The following CTNNA3 variants were observed in gnomAD, a reference collection of about 807,000 sequenced individuals.
CTNNA3 encodes the protein catenin alpha 3.
A neutral mutation model predicts 95.7 loss-of-function variants in CTNNA3; 76 were observed. That is an observed-to-expected ratio of 0.79 (90% CI 0.66 to 0.96). The LOEUF is 0.96. Ranked by LOEUF, CTNNA3 falls within the 40% of genes least tolerant of loss-of-function variation. CTNNA3 has a pLI of 0.00. For missense variants in CTNNA3, 1,191 were observed against 1,089.8 expected (o/e 1.09, Z -1.31); for synonymous variants, 431 against 374.4 (o/e 1.15, Z -1.74).
intron 7 of CTNNA3, among the ~76,000 whole-genome samples, chr10:66,918,996 G>C (rs567292637): frequency 1.4e-3 from 218 of 151,964 alleles, no homozygotes; most frequent in African/African-American, 5.1e-3. Flanking sequence ...TTAGCCGGGC[G>C]TGGTGGCAGG....
intron 1 of CTNNA3, among the ~76,000 whole-genome samples, chr10:67,739,000 C>G (rs1304362582): frequency 6.6e-6 from 1 of 152,094 alleles, no homozygotes; most frequent in African/African-American, 2.4e-5. Flanking sequence ...AGACTGGAAC[C>G]AAGTTGGAAA....
intron 12 of CTNNA3, among the ~76,000 whole-genome samples, chr10:66,340,166 A>G (rs958981210): frequency 6.6e-6 from 1 of 151,832 alleles, no homozygotes. Context: ...AAGAAACTCA[A>G]CTTCCCTTGC....
intron 12 of CTNNA3, among the ~76,000 whole-genome samples, chr10:66,360,687 C>T (rs1206582093): frequency 1.5e-4 from 7 of 46,730 alleles, no homozygotes; most frequent in Admixed American, 6.3e-4. Flanking sequence ...TCCTTCCTTC[C>T]TTCCTTTTCT....
At chr10:66,179,523 G>A (rs7091326) in intron 13 of CTNNA3, among the ~76,000 whole-genome samples, 7,182 of 151,962 alleles carry the variant, frequency 0.047, 212 homozygotes, top group African/African-American at 0.066. Flanking sequence ...TTATTGTTGG[G>A]TCTCTCCATA....
At chr10:66,126,990 C>T (rs1054627016) in intron 13 of CTNNA3, among the ~76,000 whole-genome samples, 11 of 151,828 alleles carry the variant, frequency 7.2e-5, no homozygotes, top group Admixed American at 3.9e-4. Context: ...GGAAAATGGC[C>T]GGGCGCGGTG....
intron 10 of CTNNA3, among the ~76,000 whole-genome samples, chr10:66,578,799 T>TTG (rs773867373): frequency 0.025 from 3,596 of 141,398 alleles, 85 homozygotes; most frequent in East Asian, 0.061. Context: ...TTTTTTTTTG[T>TTG]TTGTTGTTGT....
At chr10:66,140,181 C>T (rs1177426312) in intron 13 of CTNNA3, among the ~76,000 whole-genome samples, 8 of 152,122 alleles carry the variant, frequency 5.3e-5, no homozygotes, top group Non-Finnish European at 4.4e-5. Context: ...AGAGAGAAAA[C>T]CTATTAGTTG....
intron 5 of CTNNA3, among the ~76,000 whole-genome samples, chr10:67,452,114 A>C (rs919146449): frequency 6.8e-6 from 1 of 147,728 alleles, no homozygotes; most frequent in Non-Finnish European, 1.5e-5. Context: ...AGTAGGGAGA[A>C]AAAAAGGGAA....
chr10:66,642,278 A>AC (rs1491352933), intron 9 of CTNNA3, among the ~76,000 whole-genome samples: 11,236 of 48,086 alleles, frequency 0.23, 615 homozygotes, highest in African/African-American at 0.38. Flanking sequence ...ACACACACAC[A>AC]AACACACACA....
intron 7 of CTNNA3, among the ~76,000 whole-genome samples, chr10:67,071,330 G>T (rs1319889196): frequency 3.3e-4 from 47 of 140,390 alleles, no homozygotes; most frequent in Middle Eastern, 3.8e-3. Flanking sequence ...TGTATTTTGG[G>T]TTTTTTTTTT....
chr10:67,250,815 C>T (rs1465461980), intron 5 of CTNNA3, among the ~76,000 whole-genome samples: 1 of 152,156 alleles, frequency 6.6e-6, no homozygotes, highest in African/African-American at 2.4e-5. Flanking sequence ...TAAAAATGCC[C>T]ATAATCAATA....
intron 7 of CTNNA3, among the ~76,000 whole-genome samples, chr10:66,805,163 T>C (rs1432943626): frequency 6.6e-6 from 1 of 152,034 alleles, no homozygotes; most frequent in Non-Finnish European, 1.5e-5. Flanking sequence ...CACTGGGAGA[T>C]GACCTCTGGA....
At chr10:66,236,299 A>G (rs1429261581) in intron 13 of CTNNA3, among the ~76,000 whole-genome samples, 1 of 152,188 alleles carries the variant, frequency 6.6e-6, no homozygotes, top group Middle Eastern at 3.2e-3. Context: ...AGACCAACCA[A>G]TTACAAAAAT....
At chr10:67,348,133 T>C (rs775720071) in intron 5 of CTNNA3, among the ~76,000 whole-genome samples, 6 of 152,180 alleles carry the variant, frequency 3.9e-5, no homozygotes, top group Non-Finnish European at 5.9e-5. Flanking sequence ...CCTTACACCA[T>C]ACATAACATT....
At chr10:66,729,376 C>T (rs1168377118) in intron 9 of CTNNA3, among the ~76,000 whole-genome samples, 4 of 152,162 alleles carry the variant, frequency 2.6e-5, no homozygotes, top group African/African-American at 9.7e-5. Context: ...TCAACAATTG[C>T]GGAAGACAGT....
intron 2 of CTNNA3, among the ~76,000 whole-genome samples, chr10:67,638,227 A>C (rs1271773270): frequency 6.6e-6 from 1 of 152,222 alleles, no homozygotes; most frequent in Admixed American, 6.5e-5. Context: ...GTCTCTGATA[A>C]GACAGACTTT....
chr10:67,180,178 C>G, intron 7 of CTNNA3, 139 bp downstream of exon 7: 1 of 732,798 alleles, frequency 1.4e-6, no homozygotes, highest in Non-Finnish European at 2.3e-6. Context: ...CCAAGCAGAA[C>G]TCACTTAGAA....
chr10:66,735,578 C>T (rs1182361741), intron 9 of CTNNA3, among the ~76,000 whole-genome samples: 1 of 151,806 alleles, frequency 6.6e-6, no homozygotes, highest in African/African-American at 2.4e-5. Context: ...TATATTTACT[C>T]TTACTATTTG....
chr10:67,302,435 C>CA (rs1488820727), intron 5 of CTNNA3, among the ~76,000 whole-genome samples: 1 of 152,102 alleles, frequency 6.6e-6, no homozygotes, highest in African/African-American at 2.4e-5. Flanking sequence ...GTTCTCACCA[C>CA]AAAAATGATA....
Sources: gnomAD v4.1 joint callset for allele counts (sites outside exome capture counted in the v4.1 genomes callset) on GRCh38, gnomAD v4.1.1 for gene constraint, MANE v1.5 for transcripts, NCBI Gene and HGNC (gene_info 2026-07-23, HGNC 2026-07-21) for gene names.